NELL1: variants seen among roughly 807,000 people sequenced by gnomAD.
NELL1 encodes neural EGFL like 1.
In NELL1, 76 loss-of-function variants were observed where a neutral mutation model predicts 107.4. That is an observed-to-expected ratio of 0.71 (90% CI 0.59 to 0.86). The LOEUF (loss-of-function observed/expected upper bound fraction) is 0.86. NELL1 is among the 40% of genes least tolerant of loss of function. The pLI, the probability that NELL1 is intolerant of heterozygous loss-of-function variation, is 0.00. For synonymous variants in NELL1, 353 were observed against 341.2 expected (o/e 1.03, Z -0.38); for missense variants, 1,024 against 1,005.5 (o/e 1.02, Z -0.25).
At chr11:21,149,381 C>G (rs916865556) in intron 13 of NELL1, among the ~76,000 whole-genome samples, 1 of 152,176 alleles carries the variant, frequency 6.6e-6, no homozygotes, top group African/African-American at 2.4e-5. Flanking sequence ...TTCCATGTGG[C>G]TGGGGAGGCC....
At chr11:21,185,444 G>A (rs539959045) in intron 13 of NELL1, among the ~76,000 whole-genome samples, 9 of 151,380 alleles carry the variant, frequency 5.9e-5, no homozygotes, top group Admixed American at 4.6e-4. Flanking sequence ...ACAGGTGCCC[G>A]CCACCACACC....
In NELL1 at chr11:21,555,544, A is replaced by G. The variant is rs931544553; in HGVS notation, c.1787-4645A>G. On this transcript the variant is annotated intron_variant, in intron 16 of 19. Coordinates refer to ENST00000357134, the MANE Select transcript of NELL1 (RefSeq NM_006157.5). ...TTGTCAAAAGAGAGTCTCCTTAATT[A>G]AAAGAAAGGGGAAGAGTCATTGCAG... 2.6e-5 allele frequency among the ~76,000 whole-genome samples: 4 copies of G among 151,924 alleles called. 1 individual carries two copies. Among genetic ancestry groups the G allele is most frequent in the Non-Finnish European group, 5.9e-5 (4 of 67,926 alleles).
chr11:20,775,011 A>T (rs914310758), intron 2 of NELL1, among the ~76,000 whole-genome samples: 3 of 152,240 alleles, frequency 2.0e-5, no homozygotes, highest in African/African-American at 7.2e-5. Context: ...TGGGACTGAA[A>T]GCAAGGTGAT....
chr11:21,048,813 G>A (rs769458731), intron 12 of NELL1, among the ~76,000 whole-genome samples: 1 of 152,054 alleles, frequency 6.6e-6, no homozygotes, highest in Admixed American at 6.6e-5. Flanking sequence ...GTCCTGTTAT[G>A]CCATGGCTTC....
intron 15 of NELL1, among the ~76,000 whole-genome samples, chr11:21,394,645 T>C (rs188148447): frequency 2.0e-5 from 3 of 151,580 alleles, no homozygotes; most frequent in East Asian, 2.0e-4. Context: ...TCTGGGTTAA[T>C]TGATGATGGG....
intron 15 of NELL1, among the ~76,000 whole-genome samples, chr11:21,487,295 A>G (rs910934421): frequency 2.0e-5 from 3 of 152,220 alleles, no homozygotes; most frequent in Non-Finnish European, 4.4e-5. Context: ...GGAGAGAATG[A>G]GATGACATAT....
chr11:21,212,525 G>T lies in NELL1; in HGVS notation c.1427-16807G>T, dbSNP rs558837660. On this transcript the variant is annotated intron_variant, in intron 13 of 19. Coordinates refer to ENST00000357134, the MANE Select transcript of NELL1 (RefSeq NM_006157.5). ...TCCTGTGGCAATAAAAAACTGCTTA[G>T]TAGAAGCAGTTGGTGCTGAGATTCC... Among the ~76,000 whole-genome samples the T allele has an allele frequency of 1.5e-3, 234 of 152,286 alleles. 1 individual carries two copies. The highest frequency in any genetic ancestry group is 1.7e-3 in the Non-Finnish European group (116 of 68,030).
At chr11:21,335,939 T>A (rs1850380593) in intron 14 of NELL1, among the ~76,000 whole-genome samples, 1 of 152,100 alleles carries the variant, frequency 6.6e-6, no homozygotes, top group African/African-American at 2.4e-5. Context: ...TGTATAAATA[T>A]TAGGCCTTAA....
At chr11:21,184,430 C>T (rs116583230) in intron 13 of NELL1, among the ~76,000 whole-genome samples, 2,226 of 151,618 alleles carry the variant, frequency 0.015, 105 homozygotes, top group African/African-American at 0.051. Flanking sequence ...CCACCATGAC[C>T]GGCTAAATTC....
chr11:21,263,744 T>A (rs1417884219), intron 14 of NELL1, among the ~76,000 whole-genome samples: 1 of 151,878 alleles, frequency 6.6e-6, no homozygotes, highest in Non-Finnish European at 1.5e-5. Context: ...AATCCCATGG[T>A]GCAAAACAAA....
Position 21,113,653 on chromosome 11 carries a change from T to C in NELL1, c.1365T>C (p.Pro455=), listed in dbSNP as rs766146792. The change falls in exon 13 of 20, where the codon CCT becomes CCC. Residue 455 remains proline, a synonymous_variant. Coordinates refer to ENST00000357134, the MANE Select transcript of NELL1 (RefSeq NM_006157.5). ...CHANTVCVNL[P]GLYRCDCVPG... ...CCAATACTGTGTGTGTCAACCTTCC[T>C]GGGTTATATCGCTGTGACTGTGTCC... 1 of 1,612,414 alleles carries C rather than the reference T, an allele frequency of 6.2e-7. No individual in the cohort carries two copies. The highest frequency in any genetic ancestry group is 8.5e-7 in the Non-Finnish European group (1 of 1,178,808).
At chr11:21,495,012 A>C (rs1330176084) in intron 15 of NELL1, among the ~76,000 whole-genome samples, 1 of 152,092 alleles carries the variant, frequency 6.6e-6, no homozygotes, top group African/African-American at 2.4e-5. Flanking sequence ...CTTTATTGAG[A>C]TATATTTCAA....
At chr11:21,398,937 A>G (rs942626163) in intron 15 of NELL1, among the ~76,000 whole-genome samples, 3 of 151,754 alleles carry the variant, frequency 2.0e-5, no homozygotes, top group African/African-American at 7.2e-5. Flanking sequence ...AACAATTCCC[A>G]GGTAATCCAG....
intron 2 of NELL1, among the ~76,000 whole-genome samples, chr11:20,746,018 A>G (rs189386805): frequency 6.6e-6 from 1 of 152,344 alleles, no homozygotes; most frequent in Admixed American, 6.5e-5. Flanking sequence ...TTAACTAATA[A>G]GAAGATAGGT....
At chr11:20,856,873 G>A (rs1484129140) in intron 4 of NELL1, among the ~76,000 whole-genome samples, 1 of 152,206 alleles carries the variant, frequency 6.6e-6, no homozygotes, top group African/African-American at 2.4e-5. Flanking sequence ...ATAGCTCTGT[G>A]AGATGGATGT....
At chr11:20,683,816 C>G (rs1854244184) in intron 2 of NELL1, among the ~76,000 whole-genome samples, 1 of 151,968 alleles carries the variant, frequency 6.6e-6, no homozygotes, top group Non-Finnish European at 1.5e-5. Context: ...TTGTTTCCAA[C>G]AAGAAGTCTG....
chr11:21,125,581 C>A (rs1855469052), intron 13 of NELL1, among the ~76,000 whole-genome samples: 1 of 152,126 alleles, frequency 6.6e-6, no homozygotes, highest in Non-Finnish European at 1.5e-5. Flanking sequence ...TTTTATCAGG[C>A]ATATAACTGA....
chr11:21,477,304 C>G (rs1854361968), intron 15 of NELL1, among the ~76,000 whole-genome samples: 1 of 152,090 alleles, frequency 6.6e-6, no homozygotes, highest in Admixed American at 6.6e-5. Flanking sequence ...AGTCCTGATG[C>G]CCACATTCCA....
At chr11:20,879,514 G>C (rs145755906) in intron 4 of NELL1, among the ~76,000 whole-genome samples, 128 of 152,166 alleles carry the variant, frequency 8.4e-4, no homozygotes, top group Non-Finnish European at 1.5e-3. Flanking sequence ...CTTACTACCG[G>C]ACTGGGTGAA....
Sources: allele counts gnomAD v4.1 joint callset (sites outside exome capture counted in the v4.1 genomes callset), GRCh38; gene constraint gnomAD v4.1.1; transcripts MANE v1.5; gene names NCBI Gene and HGNC (gene_info 2026-07-23, HGNC 2026-07-21).